The following DNAH6 variants were observed in gnomAD, a reference collection of about 807,000 sequenced individuals.
DNAH6 encodes dynein axonemal heavy chain 6, also known as axonemal beta dynein heavy chain 6.
Under a neutral mutation model 491.4 loss-of-function variants are expected in DNAH6, and 340 were observed. That is an observed-to-expected ratio of 0.69 (90% confidence interval 0.63 to 0.76). DNAH6 has a LOEUF of 0.76. Among genes scored for constraint, DNAH6 ranks in the 30% least tolerant of loss-of-function variants. DNAH6 has a pLI of 0.00. For missense variants in DNAH6, 4,443 were observed against 4,972.2 expected (o/e 0.89, Z 3.20); for synonymous variants, 1,603 against 1,686.1 (o/e 0.95, Z 1.21).
chr2:84,817,975 A>G (rs564516363), intron 76 of DNAH6, among the ~76,000 whole-genome samples: 1 of 152,304 alleles, frequency 6.6e-6, no homozygotes, highest in African/African-American at 2.4e-5. Flanking sequence ...CATCTCCAAC[A>G]TTGGGGATCA....
At position 84,525,712 on chromosome 2, in the gene DNAH6, C is replaced by T; in HGVS notation, c.373C>T (p.His125Tyr). ...FATSSTQFLE[H>Y]QDAVKKMQIH... ...CACATCATCTACTCAGTTTCTTGAG[C>T]ATCAAGATGCTGTGAAAAAAATGCA... The change falls in exon 3 of 77, where the codon CAT (histidine) becomes TAT (tyrosine). Residue 125 changes from histidine to tyrosine, a missense_variant. Transcript: ENST00000389394. The T allele has an allele frequency of 6.5e-7, 1 of 1,537,866 alleles. No homozygotes were observed. Among genetic ancestry groups the T allele is most frequent in the Non-Finnish European group, 8.7e-7 (1 of 1,143,014 alleles).
chr2:84,532,804 AT>A (rs1677303913), intron 4 of DNAH6, among the ~76,000 whole-genome samples: 1 of 152,150 alleles, frequency 6.6e-6, no homozygotes, highest in South Asian at 2.1e-4. Context: ...TAAAAATGAT[AT>A]GTCATGCTAT....
intron 2 of DNAH6, among the ~76,000 whole-genome samples, chr2:84,522,399 T>C (rs947717729): frequency 2.6e-5 from 4 of 152,168 alleles, no homozygotes; most frequent in Non-Finnish European, 4.4e-5. Flanking sequence ...TTTCTAGATA[T>C]AGAATCATGT....
intron 12 of DNAH6, among the ~76,000 whole-genome samples, chr2:84,576,168 A>T (rs538905012): frequency 3.3e-5 from 5 of 152,230 alleles, no homozygotes; most frequent in Admixed American, 6.5e-5. Context: ...AGATCATTTA[A>T]CATCTTAATT....
chr2:84,655,974 T>C (rs985878329), intron 35 of DNAH6, among the ~76,000 whole-genome samples: 7 of 152,110 alleles, frequency 4.6e-5, no homozygotes, highest in African/African-American at 1.7e-4. Flanking sequence ...CCCCATCCTT[T>C]AACCCCTGCA....
At chr2:84,781,713 G>A (rs1181312326) in intron 65 of DNAH6, 60 bp downstream of exon 65, 9 of 1,471,640 alleles carry the variant, frequency 6.1e-6, no homozygotes, top group Non-Finnish European at 7.3e-6. Flanking sequence ...TTTTCTTGTT[G>A]AATTCATTCC....
chr2:84,707,914 C>T (rs1281358445), intron 54 of DNAH6, among the ~76,000 whole-genome samples, 198 bp downstream of exon 54: 1 of 152,188 alleles, frequency 6.6e-6, no homozygotes, highest in East Asian at 1.9e-4. Flanking sequence ...TAACACGTTC[C>T]TCCCTTTCCT....
At chr2:84,525,797 G>T in intron 3 of DNAH6, 59 bp downstream of exon 3, 1 of 1,234,620 alleles carries the variant, frequency 8.1e-7, no homozygotes, top group South Asian at 1.5e-5. Context: ...GTATAGCATT[G>T]CTAGCATACT....
At chr2:84,682,412 C>T (rs953209561) in intron 42 of DNAH6, among the ~76,000 whole-genome samples, 6 of 152,198 alleles carry the variant, frequency 3.9e-5, no homozygotes, top group African/African-American at 7.2e-5. Flanking sequence ...TTTAGATCTA[C>T]GCACATATTC....
chr2:84,550,183 C>A, intron 9 of DNAH6, 126 bp downstream of exon 9: 1 of 780,328 alleles, frequency 1.3e-6, no homozygotes, highest in Non-Finnish European at 1.9e-6. Context: ...GAGCAGCGGC[C>A]CCCAACATTT....
rs1329343143 is a variant in DNAH6 at position 84,814,112 on chromosome 2, T to C, written c.12140T>C (p.Met4047Thr). The change falls in exon 75 of 77, where the codon ATG becomes ACG. Residue 4047 changes from methionine (M) to threonine (T), a missense_variant. By Grantham distance (81) the Met-to-Thr change is moderately conservative (BLOSUM62 -1). Transcript: ENST00000389394. The stretch of plus-strand genomic sequence containing the variant: ...GTGCAATTTGGACAAGAACTGCCCA[T>C]GGACATGGAGGTATTGTCCACCTGG... ...KTVQFGQELP[M>T]DMELPSPEDG... 4 of 1,551,626 alleles carry C rather than the reference T, an allele frequency of 2.6e-6. No individual in the cohort carries two copies. The highest frequency in any genetic ancestry group is 3.5e-6 in the Non-Finnish European group (4 of 1,146,956).
chr2:84,710,295 T>C lies in DNAH6; in HGVS notation c.9261T>C (p.Arg3087=), dbSNP rs758661287. 1.4e-5 allele frequency: 21 copies of C among 1,551,466 alleles called. No individual in the cohort carries two copies. Among genetic ancestry groups the C allele is most frequent in the Middle Eastern group, 3.3e-4 (2 of 6,014 alleles). Residue 3087 remains arginine (R), a synonymous_variant, in exon 56 of 77, where the codon CGT becomes CGC. Transcript: ENST00000389394. ...TGTGCTTTTCCAAACAGGCAAACCGTTGGATAAGGAACAAGGAAAGCAAAA... is the reference window on the plus strand; with the variant it reads ...TGTGCTTTTCCAAACAGGCAAACCGCTGGATAAGGAACAAGGAAAGCAAAA... ...LMIDPQDQAN[R]WIRNKESKSG... is the part of the protein sequence containing the mutation.
intron 44 of DNAH6, among the ~76,000 whole-genome samples, chr2:84,687,515 C>T (rs565153625): frequency 7.8e-4 from 119 of 152,170 alleles, no homozygotes; most frequent in Non-Finnish European, 1.3e-3. Context: ...AGATAAACTA[C>T]GTATTTTTGT....
the DNAH6 span, among the ~76,000 whole-genome samples, chr2:84,472,973 A>G: frequency 2.7e-3 from 404 of 152,306 alleles, 2 homozygotes; most frequent in Non-Finnish European, 3.9e-3. Flanking sequence ...AAAAGTTAAC[A>G]CTGTTATCAC....
At chr2:84,510,558 CCTT>C in the DNAH6 span, among the ~76,000 whole-genome samples, 2 of 151,630 alleles carry the variant, frequency 1.3e-5, no homozygotes, top group Admixed American at 6.6e-5. Flanking sequence ...TCGTCTGAAG[CCTT>C]CTTCTCTCAA....
chr2:84,780,426 T>C (rs1339984927), intron 64 of DNAH6, among the ~76,000 whole-genome samples: 1 of 152,212 alleles, frequency 6.6e-6, no homozygotes, highest in Non-Finnish European at 1.5e-5. Flanking sequence ...GCCTAGTATG[T>C]TGTTAATGCT....
chr2:84,584,357 A>T, intron 15 of DNAH6, 107 bp downstream of exon 15: 1 of 1,158,172 alleles, frequency 8.6e-7, no homozygotes, highest in Non-Finnish European at 1.2e-6. Flanking sequence ...TTTACAATAT[A>T]TAATGTGATG....
At chr2:84,534,044 T>A (rs1259055581) in intron 4 of DNAH6, among the ~76,000 whole-genome samples, 4 of 152,120 alleles carry the variant, frequency 2.6e-5, no homozygotes, top group Admixed American at 6.6e-5. Context: ...TCTTATTAAT[T>A]TTTTAAAATT....
intron 16 of DNAH6, among the ~76,000 whole-genome samples, chr2:84,589,674 C>T (rs557901720): frequency 3.2e-4 from 46 of 144,048 alleles, no homozygotes; most frequent in Non-Finnish European, 5.4e-4. Context: ...ATCGTGACAC[C>T]GCACTGCAGC....
Sources: gnomAD v4.1 joint callset for allele counts (sites outside exome capture counted in the v4.1 genomes callset) on GRCh38, gnomAD v4.1.1 for gene constraint, MANE v1.5 for transcripts, NCBI Gene and HGNC (gene_info 2026-07-23, HGNC 2026-07-21) for gene names.